DENND5B: variants seen among roughly 807,000 people sequenced by gnomAD.
The protein encoded by DENND5B is DENN domain containing 5B, also known as DENN domain-containing protein 5B.
Under a neutral mutation model 140.6 loss-of-function variants are expected in DENND5B, and 34 were observed. The ratio of observed to expected loss-of-function variants is 0.24; its 90% CI spans 0.18 to 0.32. DENND5B has a LOEUF of 0.32. Ranked by LOEUF, DENND5B falls within the 10% of genes least tolerant of loss-of-function variation. DENND5B has a pLI of 1.00. For missense variants in DENND5B, 1,142 were observed against 1,560.2 expected, an observed-to-expected ratio of 0.73 and a Z score of 4.52; for synonymous variants, 551 against 562.1, an observed-to-expected ratio of 0.98 and a Z score of 0.28.
intron 1 of DENND5B, among the ~76,000 whole-genome samples, chr12:31,509,414 G>C (rs1947326009): frequency 6.6e-6 from 1 of 152,188 alleles, no homozygotes; most frequent in African/African-American, 2.4e-5. Context: ...GAGACCCATA[G>C]TTTTGTATGC....
At position 31,433,008 on chromosome 12, in the gene DENND5B, C is replaced by T. The variant is rs114572011; in HGVS notation, c.2106+147G>A. ...AAAAGGGTGTTTTCTGCTATATGTCCGTACAAAAGGATTAATATTTTAAAC... is the reference window on the plus strand; with the variant it reads ...AAAAGGGTGTTTTCTGCTATATGTCTGTACAAAAGGATTAATATTTTAAAC... On this transcript the variant is annotated intron_variant, in intron 8 of 20. Coordinates refer to ENST00000389082, the MANE Select transcript of DENND5B (RefSeq NM_144973.4). 2,135 of 647,264 alleles carry T rather than the reference C, an allele frequency of 3.3e-3. 31 individuals are homozygous for T. In the African/African-American group the frequency reaches 0.033, roughly 10 times the overall value. The allele number at this position is 647,264 out of a possible 1,614,324, so 40.1% of individuals were successfully genotyped here. A position where few individuals can be genotyped will look rare whatever the true frequency, so the allele number is the denominator to read the frequency against.
At chr12:31,586,425 G>A (rs530927012) in intron 1 of DENND5B, among the ~76,000 whole-genome samples, 1 of 152,312 alleles carries the variant, frequency 6.6e-6, no homozygotes, top group East Asian at 1.9e-4. Context: ...CAGAAAGGAC[G>A]ACAGGTAATA....
At chr12:31,487,861 T>C (rs961609442) in intron 2 of DENND5B, among the ~76,000 whole-genome samples, 2 of 152,220 alleles carry the variant, frequency 1.3e-5, no homozygotes, top group East Asian at 3.9e-4. Flanking sequence ...CATATAACAA[T>C]TGGTTGAATG....
intron 1 of DENND5B, among the ~76,000 whole-genome samples, chr12:31,572,205 C>T (rs1206666257): frequency 5.3e-5 from 8 of 150,154 alleles, no homozygotes; most frequent in Non-Finnish European, 7.4e-5. Flanking sequence ...GCCTGGGCAA[C>T]AAGAGCGAAA....
At chr12:31,569,568 G>A (rs1249663561) in intron 1 of DENND5B, among the ~76,000 whole-genome samples, 2 of 152,162 alleles carry the variant, frequency 1.3e-5, no homozygotes, top group Non-Finnish European at 2.9e-5. Flanking sequence ...CAGTGCTTTG[G>A]GAGCCAGAGG....
At chr12:31,417,668 T>C (rs1354336609) in intron 11 of DENND5B, among the ~76,000 whole-genome samples, 2 of 152,168 alleles carry the variant, frequency 1.3e-5, no homozygotes, top group African/African-American at 4.8e-5. Context: ...AGAAAGATTA[T>C]TCTCATATAG....
At chr12:31,411,553 C>T (rs1031161560) in intron 13 of DENND5B, among the ~76,000 whole-genome samples, 9 of 151,730 alleles carry the variant, frequency 5.9e-5, no homozygotes, top group African/African-American at 1.9e-4. Context: ...CCATGTTAGC[C>T]AGGATGGTCT....
chr12:31,520,027 G>C (rs1947819199), intron 1 of DENND5B, among the ~76,000 whole-genome samples: 1 of 152,102 alleles, frequency 6.6e-6, no homozygotes, highest in South Asian at 2.1e-4. Context: ...TGTGTCAACT[G>C]GAACATGGCA....
At chr12:31,575,876 G>C (rs1458926316) in intron 1 of DENND5B, among the ~76,000 whole-genome samples, 1 of 152,136 alleles carries the variant, frequency 6.6e-6, no homozygotes, top group East Asian at 1.9e-4. Context: ...TGAGGCATGA[G>C]AATTACTTGA....
At chr12:31,560,007 C>T (rs1296820787) in intron 1 of DENND5B, among the ~76,000 whole-genome samples, 4 of 152,180 alleles carry the variant, frequency 2.6e-5, no homozygotes, top group African/African-American at 9.7e-5. Context: ...ACTGTTAGAA[C>T]ATCCATGAAC....
At chr12:31,509,486 G>A (rs930975109) in intron 1 of DENND5B, among the ~76,000 whole-genome samples, 1 of 152,094 alleles carries the variant, frequency 6.6e-6, no homozygotes, top group Non-Finnish European at 1.5e-5. Flanking sequence ...GGAGTTAAGA[G>A]GTTACAATGA....
At chr12:31,545,356 A>G (rs1437637962) in intron 1 of DENND5B, among the ~76,000 whole-genome samples, 2 of 152,130 alleles carry the variant, frequency 1.3e-5, no homozygotes, top group Non-Finnish European at 2.9e-5. Context: ...TATTGAATAT[A>G]ATACCCGTTT....
intron 11 of DENND5B, among the ~76,000 whole-genome samples, chr12:31,418,162 A>G (rs1412241905): frequency 6.6e-6 from 1 of 152,154 alleles, no homozygotes; most frequent in African/African-American, 2.4e-5. Flanking sequence ...AGGGAGTTTC[A>G]ATGGGGCACT....
At chr12:31,433,732 A>G (rs548032673) in intron 7 of DENND5B, among the ~76,000 whole-genome samples, 7 of 152,328 alleles carry the variant, frequency 4.6e-5, no homozygotes, top group Admixed American at 3.3e-4. Flanking sequence ...CTTTTAAGGA[A>G]AGATTTCTAT....
intron 3 of DENND5B, among the ~76,000 whole-genome samples, chr12:31,479,383 T>C (rs1047894238): frequency 1.3e-5 from 2 of 152,246 alleles, no homozygotes; most frequent in African/African-American, 4.8e-5. Context: ...TGTTCCTTCC[T>C]ATTTCTCTCT....
intron 6 of DENND5B, among the ~76,000 whole-genome samples, chr12:31,446,950 T>G (rs955245756): frequency 6.6e-6 from 1 of 151,176 alleles, no homozygotes; most frequent in African/African-American, 2.4e-5. Context: ...AAATTAACAT[T>G]TTTTCCATTT....
intron 7 of DENND5B, among the ~76,000 whole-genome samples, chr12:31,436,036 C>T (rs760142903): frequency 2.6e-5 from 4 of 151,838 alleles, no homozygotes; most frequent in Non-Finnish European, 4.4e-5. Context: ...GAGCTTAATG[C>T]GATCTGCCTG....
intron 1 of DENND5B, among the ~76,000 whole-genome samples, chr12:31,587,526 CTTTTTTTTTTTTTTTTTT>C (rs71460995): frequency 1.5e-4 from 11 of 75,036 alleles, no homozygotes; most frequent in South Asian, 5.7e-4. Flanking sequence ...CCACAAATAC[CTTTTTTTTTTTTTTTTTT>C]TTTTTTTTTT....
At chr12:31,442,972 C>T (rs557062901) in intron 6 of DENND5B, 47 bp from the exon 7 acceptor site, 1 of 1,516,602 alleles carries the variant, frequency 6.6e-7, no homozygotes, top group African/African-American at 1.4e-5. Flanking sequence ...ATTGCTAGCC[C>T]TTCAAAAATA....
Sources: allele counts gnomAD v4.1 joint callset (sites outside exome capture counted in the v4.1 genomes callset), GRCh38; gene constraint gnomAD v4.1.1; transcripts MANE v1.5; gene names NCBI Gene and HGNC (gene_info 2026-07-23, HGNC 2026-07-21).